The following PCYT1B variants were observed in gnomAD, a reference collection of about 807,000 sequenced individuals.
PCYT1B encodes phosphate cytidylyltransferase 1B, choline, also known as choline-phosphate cytidylyltransferase B.
PCYT1B carries 10 observed loss-of-function variants against 26.4 expected under a neutral mutation model. The ratio of observed to expected loss-of-function variants is 0.38; its 90% CI spans 0.23 to 0.64. The LOEUF is 0.64. Among genes scored for constraint, PCYT1B ranks in the 30% least tolerant of loss-of-function variants. The pLI is 0.56. For synonymous variants in PCYT1B, 131 were observed against 108.4 expected, an observed-to-expected ratio of 1.21 and a Z score of -1.29; for missense variants, 161 against 292.7, an observed-to-expected ratio of 0.55 and a Z score of 3.28.
chrX:24,568,490 T>C (rs1923708474), intron 7 of PCYT1B, among the ~76,000 whole-genome samples: 1 of 111,324 alleles, frequency 9.0e-6, no homozygotes, highest in Non-Finnish European at 1.9e-5. Flanking sequence ...AGTTCAAGGT[T>C]GCAGTGACCC....
At position 24,585,453 on chromosome X, in the gene PCYT1B, A is replaced by G. The variant is rs149970447; in HGVS notation, c.565+1788T>C. On this transcript the variant is annotated intron_variant, in intron 5 of 7. Transcript: ENST00000379144. ...ATATGGAAGGAAGCCAAGATTTAAG[A>G]TCAGCATGACTGCTGGGCAGCACAC... Among the ~76,000 whole-genome samples, 922 of 111,652 alleles carry G rather than the reference A, an allele frequency of 8.3e-3. 5 individuals are homozygous for G. The highest frequency in any genetic ancestry group is 0.013 in the Non-Finnish European group (672 of 53,051).
intron 4 of PCYT1B, 87 bp from the exon 5 acceptor site, chrX:24,587,406 G>T: frequency 1.7e-6 from 1 of 591,445 alleles, no homozygotes; most frequent in Non-Finnish European, 2.9e-6. Flanking sequence ...ACTTCATAAT[G>T]CCTTTTCAAA....
chrX:24,617,577 A>G (rs1006062580), intron 2 of PCYT1B, among the ~76,000 whole-genome samples: 1 of 106,844 alleles, frequency 9.4e-6, no homozygotes, highest in East Asian at 2.9e-4. Flanking sequence ...CCTCCCGAGT[A>G]GCTGGGATTA....
rs768370549 is a variant in PCYT1B at position 24,617,382 on chromosome X, T to G, written c.217+1603A>C. Among the ~76,000 whole-genome samples the G allele has an allele frequency of 6.8e-3, 669 of 98,363 alleles. 5 individuals are homozygous for G. Among genetic ancestry groups the G allele is most frequent in the Non-Finnish European group, 0.01 (524 of 51,024 alleles). 85.4% of individuals were successfully genotyped at this position (98,363 alleles called of 115,157 possible). ...AGTTTGGTTTGTTTGTTTTTTTTTT[T>G]GTTTGTTTTCTGCAATGGCAACTAG... On this transcript the variant is annotated intron_variant, in intron 2 of 7. Coordinates refer to ENST00000379144, the MANE Select transcript of PCYT1B (RefSeq NM_004845.5).
At chrX:24,595,765 C>T (rs994600821) in intron 3 of PCYT1B, among the ~76,000 whole-genome samples, 5 of 109,807 alleles carry the variant, frequency 4.6e-5, no homozygotes, top group African/African-American at 1.7e-4. Context: ...CCTGTAATTC[C>T]AGCTACTCAG....
intron 1 of PCYT1B, among the ~76,000 whole-genome samples, chrX:24,619,995 T>C (rs1925650353): frequency 8.9e-6 from 1 of 112,958 alleles, no homozygotes; most frequent in Admixed American, 9.4e-5. Flanking sequence ...AACTGTGCCG[T>C]GATTGCAGTC....
chrX:24,595,742 T>C (rs1182847136), intron 3 of PCYT1B, among the ~76,000 whole-genome samples: 2 of 109,818 alleles, frequency 1.8e-5, no homozygotes, highest in Admixed American at 1.9e-4. Flanking sequence ...TAGCCGGGCG[T>C]TAGTGGTGCA....
chrX:24,637,485 A>AT (rs1220059520), intron 1 of PCYT1B, among the ~76,000 whole-genome samples: 3 of 56,155 alleles, frequency 5.3e-5, no homozygotes, highest in African/African-American at 4.4e-4. Context: ...CTACTAAAAA[A>AT]AAAAAAATAT....
intron 7 of PCYT1B, among the ~76,000 whole-genome samples, chrX:24,564,086 G>A (rs989292291): frequency 6.4e-5 from 7 of 109,972 alleles, no homozygotes; most frequent in Non-Finnish European, 1.3e-4. Context: ...GGAGGCTGAC[G>A]CAGGAGAACC....
chrX:24,606,728 G>C (rs944681266), intron 3 of PCYT1B, among the ~76,000 whole-genome samples: 3 of 111,470 alleles, frequency 2.7e-5, no homozygotes, highest in Non-Finnish European at 5.7e-5. Flanking sequence ...TTAGCTGGGC[G>C]TGGTGGTACA....
rs1477134160 is a variant in PCYT1B at position 24,575,327 on chromosome X, A to G, written c.709-9T>C. 13 of 1,105,379 alleles carry G rather than the reference A, an allele frequency of 1.2e-5. No homozygotes were observed. The highest frequency in any genetic ancestry group is 1.6e-5 in the Non-Finnish European group (13 of 834,445). The allele number at this position is 1,105,379 out of a possible 1,213,427, so 91.1% of individuals were successfully genotyped here. ...AAACGGTACCTCTTCTCCTGGTGAA[A>G]GTTTACAGGAAAAAAAAAAACAGAT... On this transcript the variant is annotated splice_polypyrimidine_tract_variant and intron_variant, in intron 6 of 7. Transcript: ENST00000379144.
intron 5 of PCYT1B, among the ~76,000 whole-genome samples, chrX:24,583,446 C>G (rs751449375): frequency 6.2e-5 from 7 of 112,025 alleles, no homozygotes; most frequent in Non-Finnish European, 7.5e-5. Flanking sequence ...AACTACCCAG[C>G]CAAGCCTCTG....
At chrX:24,588,450 G>A (rs1924443826) in intron 4 of PCYT1B, among the ~76,000 whole-genome samples, 2 of 111,623 alleles carry the variant, frequency 1.8e-5, no homozygotes, top group African/African-American at 6.5e-5. Flanking sequence ...TCCTTGCCTA[G>A]ATTTTAAAGC....
intron 1 of PCYT1B, among the ~76,000 whole-genome samples, chrX:24,656,680 C>G (rs755441801): frequency 9.4e-6 from 1 of 105,888 alleles, no homozygotes; most frequent in Non-Finnish European, 1.9e-5. Context: ...CTCAGCCTCC[C>G]GAGTAGCTGG....
At chrX:24,658,506 C>CTTTTTTTT (rs1203809740) in intron 1 of PCYT1B, among the ~76,000 whole-genome samples, 7 of 58,833 alleles carry the variant, frequency 1.2e-4, no homozygotes, top group African/African-American at 1.9e-4. Context: ...TGTTTCATTG[C>CTTTTTTTT]TTTTTTTTTT....
intron 1 of PCYT1B, among the ~76,000 whole-genome samples, chrX:24,628,649 G>A (rs750218675): frequency 8.1e-5 from 9 of 110,723 alleles, no homozygotes; most frequent in Non-Finnish European, 1.5e-4. Flanking sequence ...GAATCTTGCC[G>A]GATAGACAGT....
At chrX:24,629,572 A>AC (rs1925987788) in intron 1 of PCYT1B, among the ~76,000 whole-genome samples, 1 of 99,212 alleles carries the variant, frequency 1.0e-5, no homozygotes, top group Non-Finnish European at 2.1e-5. Context: ...AAAAAAAAAA[A>AC]AAAAAAAAAA....
intron 3 of PCYT1B, among the ~76,000 whole-genome samples, chrX:24,598,474 G>GAT (rs200699242): frequency 5.7e-5 from 6 of 105,711 alleles, no homozygotes; most frequent in African/African-American, 1.8e-4. Flanking sequence ...ACTAGAATTT[G>GAT]ATATATATAT....
At chrX:24,593,432 CCTTT>C (rs1182970709) in intron 3 of PCYT1B, among the ~76,000 whole-genome samples, 2,354 of 77,325 alleles carry the variant, frequency 0.03, 54 homozygotes, top group Middle Eastern at 0.044. Flanking sequence ...TTCTTTCTTT[CCTTT>C]CTTTCTTTCT....
Sources: gnomAD v4.1 joint callset for allele counts (sites outside exome capture counted in the v4.1 genomes callset) on GRCh38, gnomAD v4.1.1 for gene constraint, MANE v1.5 for transcripts, NCBI Gene and HGNC (gene_info 2026-07-23, HGNC 2026-07-21) for gene names.